The following CCNT2 variants were observed in gnomAD, a reference collection of about 807,000 sequenced individuals.
CCNT2 encodes the protein cyclin-T2.
A neutral mutation model predicts 70.0 loss-of-function variants in CCNT2; 18 were observed. That is an observed-to-expected ratio of 0.26 (90% CI 0.18 to 0.38). The LOEUF is 0.38. Among genes scored for constraint, CCNT2 ranks in the 10% least tolerant of loss-of-function variants. CCNT2 has a pLI of 1.00. For synonymous variants in CCNT2, 334 were observed against 313.3 expected (o/e 1.07, Z -0.70); for missense variants, 734 against 890.2 (o/e 0.82, Z 2.23).
chr2:134,950,706 A>G (rs572059362), intron 7 of CCNT2, among the ~76,000 whole-genome samples: 1 of 152,236 alleles, frequency 6.6e-6, no homozygotes, highest in Non-Finnish European at 1.5e-5. Context: ...CTTATTACTT[A>G]CTGAAATAAT....
intron 2 of CCNT2, among the ~76,000 whole-genome samples, chr2:134,934,815 A>C (rs1236386553): frequency 6.6e-6 from 1 of 152,222 alleles, no homozygotes; most frequent in Admixed American, 6.5e-5. Context: ...TAAGTACTAA[A>C]TTCGGTCTAA....
At chr2:134,948,902 A>G (rs527574239) in intron 7 of CCNT2, among the ~76,000 whole-genome samples, 2 of 151,782 alleles carry the variant, frequency 1.3e-5, no homozygotes, top group African/African-American at 4.8e-5. Flanking sequence ...TTTAGTAGAG[A>G]TGGGGTTTCA....
chr2:134,919,002 C>T lies in CCNT2; in HGVS notation c.148C>T (p.Arg50Cys). ...CAACCTCATCCAGGAGATGGGACAG[C>T]GTCTCAATGTGTATCCTTTTCTGTT... ...AANLIQEMGQRLNVSQLTINT... is the reference protein window; with the variant it reads ...AANLIQEMGQCLNVSQLTINT... The change falls in exon 1 of 9, where the codon CGT (arginine) becomes TGT (cysteine). Residue 50 changes from arginine (R) to cysteine (C), a missense_variant. Physicochemically the swap from Arg to Cys is radical, Grantham distance 180. Transcript: ENST00000264157. 1.2e-6 allele frequency: 2 copies of T among 1,611,182 alleles called. No individual in the cohort carries two copies. Among genetic ancestry groups the T allele is most frequent in the Non-Finnish European group, 8.5e-7 (1 of 1,179,104 alleles).
chr2:134,947,929 G>A, intron 7 of CCNT2, 30 bp downstream of exon 7: 1 of 1,317,826 alleles, frequency 7.6e-7, no homozygotes, highest in Non-Finnish European at 1.0e-6. Context: ...TTTTAAGTTT[G>A]GAATTATCTA....
chr2:134,929,558 C>T (rs554834517), intron 2 of CCNT2, among the ~76,000 whole-genome samples: 8 of 147,332 alleles, frequency 5.4e-5, no homozygotes, highest in African/African-American at 1.5e-4. Flanking sequence ...CAGTGAGCCA[C>T]GTTCACGCCA....
intron 2 of CCNT2, among the ~76,000 whole-genome samples, chr2:134,921,125 T>G (rs1416911607): frequency 6.6e-6 from 1 of 152,194 alleles, no homozygotes; most frequent in African/African-American, 2.4e-5. Flanking sequence ...ACATTTAGAT[T>G]AAGGGAATTC....
chr2:134,931,971 T>G (rs917206680), intron 2 of CCNT2, among the ~76,000 whole-genome samples: 22 of 152,120 alleles, frequency 1.4e-4, no homozygotes, highest in African/African-American at 4.6e-4. Flanking sequence ...CTAAGTATAC[T>G]TTATAAGTTG....
intron 2 of CCNT2, chr2:134,920,491 T>C (rs1037078451): frequency 2.0e-5 from 3 of 152,220 alleles, no homozygotes; most frequent in Non-Finnish European, 4.4e-5. Context: ...TTATGTATTA[T>C]TAGTAAAATT....
rs1028478684 is a variant in CCNT2, at chr2:134,943,498, T to G, written c.493+824T>G. 3 of 984,826 alleles carry G rather than the reference T, an allele frequency of 3.0e-6. No homozygotes were observed. In the East Asian group the frequency reaches 3.4e-4, roughly 112 times the overall value. 61.0% of individuals were successfully genotyped at this position (984,826 alleles called of 1,614,324 possible). A position where few individuals can be genotyped will look rare whatever the true frequency, so the allele number is the denominator to read the frequency against. ...TGTATTTTTCGAGGGTCTTTGACAT[T>G]ACTAAAAGTGGTTTCCTTTTTGTAA... is the stretch of plus-strand genomic sequence containing the variant. On this transcript the variant is annotated intron_variant, in intron 5 of 8. Coordinates refer to ENST00000264157, the MANE Select transcript of CCNT2 (RefSeq NM_058241.3).
chr2:134,930,969 AT>A (rs60712972), intron 2 of CCNT2, among the ~76,000 whole-genome samples: 8,595 of 144,690 alleles, frequency 0.059, 369 homozygotes, highest in African/African-American at 0.13. Flanking sequence ...AAGGATTTGA[AT>A]TTTTTTTTTT....
Position 134,924,985 on chromosome 2 carries a change from A to G in CCNT2, c.240+5094A>G, listed in dbSNP as rs530860118. ...TTTGCTGATTGTATACTCATGGTGCAGTTTACTGTGTTCCTTTTTTCTTGC... is the reference window on the plus strand; with the variant it reads ...TTTGCTGATTGTATACTCATGGTGCGGTTTACTGTGTTCCTTTTTTCTTGC... On this transcript the variant is annotated intron_variant, in intron 2 of 8. Transcript: ENST00000264157. 7.3e-4 allele frequency among the ~76,000 whole-genome samples: 111 copies of G among 152,302 alleles called. 1 individual carries two copies. Among genetic ancestry groups the G allele is most frequent in the Non-Finnish European group, 1.5e-3 (101 of 68,022 alleles).
intron 7 of CCNT2, among the ~76,000 whole-genome samples, chr2:134,949,425 G>T (rs1489154047): frequency 6.6e-6 from 1 of 152,202 alleles, no homozygotes; most frequent in Non-Finnish European, 1.5e-5. Flanking sequence ...GGGTGTGACT[G>T]TGTTCCAGTA....
intron 2 of CCNT2, among the ~76,000 whole-genome samples, chr2:134,924,443 A>G (rs748261518): frequency 2.0e-5 from 3 of 151,966 alleles, no homozygotes; most frequent in Middle Eastern, 3.2e-3. Flanking sequence ...TCCAAAAGTA[A>G]CCAGTATTCT....
Position 134,936,975 on chromosome 2 carries a change from T to C in CCNT2, c.369+6T>C. ...TGCTGGATACTAAATGTGATGTATG[T>C]AAATACTGGGTTTTTTATTTTTCTT... On this transcript the variant is annotated splice_donor_region_variant and intron_variant, in intron 3 of 8. Transcript: ENST00000264157. 6.3e-7 allele frequency: 1 copy of C among 1,588,826 alleles called. No homozygotes were observed. The highest frequency in any genetic ancestry group is 8.6e-7 in the Non-Finnish European group (1 of 1,166,180).
At chr2:134,950,413 C>T (rs959266524) in intron 7 of CCNT2, among the ~76,000 whole-genome samples, 1 of 152,078 alleles carries the variant, frequency 6.6e-6, no homozygotes, top group Non-Finnish European at 1.5e-5. Flanking sequence ...TGCAGTCACT[C>T]ACATATCTTG....
rs140163816 is a variant in CCNT2, at chr2:134,929,613, CAG to C, written c.241-7206_241-7205del. Reference sequence around the variant, plus strand: ...ACAGAGCAAGACCCTGTCTCAAAAACAGAGAGAGAGAGAGAGAGAGAGAACTA... The same window carrying C: ...ACAGAGCAAGACCCTGTCTCAAAAACAGAGAGAGAGAGAGAGAGAGAACTA... On this transcript the variant is annotated intron_variant, in intron 2 of 8. Transcript: ENST00000264157. Among the ~76,000 whole-genome samples the C allele has an allele frequency of 3.5e-3, 409 of 117,414 alleles. 7 individuals are homozygous for C. Among genetic ancestry groups the C allele is most frequent in the African/African-American group, 9.1e-3 (255 of 28,082 alleles). 77.0% of individuals were successfully genotyped at this position (117,414 alleles called of 152,430 possible).
intron 6 of CCNT2, among the ~76,000 whole-genome samples, chr2:134,946,714 C>T (rs1451222037): frequency 2.7e-5 from 4 of 148,912 alleles, no homozygotes; most frequent in African/African-American, 7.5e-5. Flanking sequence ...AAAAACCTTC[C>T]TTTTCAGTTT....
chr2:134,923,726 TCTC>T (rs1312309621), intron 2 of CCNT2, among the ~76,000 whole-genome samples: 1 of 152,220 alleles, frequency 6.6e-6, no homozygotes, highest in Admixed American at 6.5e-5. Context: ...GGTAAAGTAT[TCTC>T]CTAAGGAAGC....
At chr2:134,925,714 T>C (rs138674434) in intron 2 of CCNT2, among the ~76,000 whole-genome samples, 1 of 152,322 alleles carries the variant, frequency 6.6e-6, no homozygotes, top group East Asian at 1.9e-4. Flanking sequence ...TTGGCTAATA[T>C]GAATAGTGCT....
Sources: gnomAD v4.1 joint callset for allele counts (sites outside exome capture counted in the v4.1 genomes callset) on GRCh38, gnomAD v4.1.1 for gene constraint, MANE v1.5 for transcripts, NCBI Gene and HGNC (gene_info 2026-07-23, HGNC 2026-07-21) for gene names.